The following CDAN1 variants were observed in gnomAD, a reference collection of about 807,000 sequenced individuals.
CDAN1 encodes the protein codanin-1.
CDAN1 carries 107 observed loss-of-function variants against 139.8 expected under a neutral mutation model. The observed-to-expected ratio is 0.77, with a 90% confidence interval of 0.65 to 0.90. The LOEUF (loss-of-function observed/expected upper bound fraction) is 0.90, where lower values mean the gene tolerates loss of function less well. Ranked by LOEUF, CDAN1 falls within the 40% of genes least tolerant of loss-of-function variation. CDAN1 has a pLI of 0.00. For synonymous variants in CDAN1, 776 were observed against 660.6 expected (o/e 1.17, Z -2.68); for missense variants, 1,667 against 1,575.7 (o/e 1.06, Z -0.98).
At chr15:42,725,422 G>A (rs2061511426) in intron 26 of CDAN1, 67 bp downstream of exon 26, 2 of 1,593,418 alleles carry the variant, frequency 1.3e-6, no homozygotes, top group Admixed American at 1.7e-5. Context: ...GCAGCTCATA[G>A]TTTGGGGCAA....
At chr15:42,735,800 A>C (rs1231825500) in intron 3 of CDAN1, 75 bp downstream of exon 3, 1 of 1,596,976 alleles carries the variant, frequency 6.3e-7, no homozygotes, top group African/African-American at 1.3e-5. Flanking sequence ...CAAGAGGGAA[A>C]TCAATTTCAG....
rs999348272 is a variant in CDAN1, at chr15:42,727,780, G to C, written c.2948-11C>G. On this transcript the variant is annotated splice_polypyrimidine_tract_variant and intron_variant, in intron 22 of 27. Coordinates refer to ENST00000356231, the MANE Select transcript of CDAN1 (RefSeq NM_138477.4). ...CCCTCCTGATCAGTGCTGTGGGGCAGAGGGAGAATGGGAAAGGAATCACGG... is the reference window on the plus strand; with the variant it reads ...CCCTCCTGATCAGTGCTGTGGGGCACAGGGAGAATGGGAAAGGAATCACGG... 1 of 1,605,654 alleles carries C rather than the reference G, an allele frequency of 6.2e-7. No individual in the cohort carries two copies. The highest frequency in any genetic ancestry group is 1.7e-4 in the Middle Eastern group (1 of 6,022).
intron 9 of CDAN1, 115 bp from the exon 10 acceptor site, chr15:42,732,523 C>T: frequency 1.1e-6 from 1 of 944,540 alleles, no homozygotes; most frequent in South Asian, 1.3e-5. Flanking sequence ...TTGAGCAGAC[C>T]TCAGCCAGAG....
At chr15:42,730,298 G>GC (rs2061592044) in intron 14 of CDAN1, 83 bp from the exon 15 acceptor site, 2 of 1,323,190 alleles carry the variant, frequency 1.5e-6, no homozygotes, top group East Asian at 4.6e-5. Context: ...AAACTGGCTT[G>GC]CAAAAGCAGA....
chr15:42,730,574 A>C, intron 14 of CDAN1, 24 bp downstream of exon 14: 1 of 1,613,706 alleles, frequency 6.2e-7, no homozygotes. Context: ...TCCTTTCATC[A>C]AGCCTCAGCC....
At chr15:42,732,294 G>A (rs1466690677) in intron 10 of CDAN1, 39 bp downstream of exon 10, 20 of 1,577,964 alleles carry the variant, frequency 1.3e-5, no homozygotes, top group Non-Finnish European at 1.7e-5. Context: ...TGTGATGCCT[G>A]CTGTTTAATG....
intron 21 of CDAN1, 59 bp downstream of exon 21, chr15:42,728,145 C>T: frequency 1.9e-6 from 3 of 1,598,384 alleles, no homozygotes; most frequent in Non-Finnish European, 2.6e-6. Flanking sequence ...CCTCAGACTA[C>T]TCCGTGCACC....
rs760031798 is a variant in CDAN1 at position 42,730,656 on chromosome 15, C to T, written c.2116G>A (p.Val706Ile). The T allele has an allele frequency of 4.3e-6, 7 of 1,614,060 alleles. No homozygotes were observed. In the East Asian group the frequency reaches 6.7e-5, roughly 15 times the overall value. The change falls in exon 14 of 28, where the codon GTT becomes ATT. Residue 706 changes from valine to isoleucine, a missense_variant. Around this residue, in one of 3 missense-constraint regions of CDAN1, gnomAD observed 936 missense variants for 844.1 expected, o/e 1.11. Coordinates refer to ENST00000356231, the MANE Select transcript of CDAN1 (RefSeq NM_138477.4). ...CGGTAATATTCCAGCAAGGGAACAA[C>T]ATGGTCAGCAAAGGAGAGAAACTCC... is the stretch of plus-strand genomic sequence containing the variant. ...LVEFLSFADH[V>I]VPLLEYYRDI...
intron 23 of CDAN1, 144 bp from the exon 24 acceptor site, chr15:42,726,561 C>T (rs2061532473): frequency 6.0e-6 from 4 of 663,644 alleles, no homozygotes; most frequent in Non-Finnish European, 1.1e-5. Flanking sequence ...TGCCCCTAGA[C>T]CTGGGACTTG....
intron 27 of CDAN1, 24 bp downstream of exon 27, chr15:42,725,120 C>T: frequency 1.3e-6 from 2 of 1,565,136 alleles, no homozygotes; most frequent in South Asian, 2.2e-5. Context: ...TCTCTCTCCA[C>T]CTAAAAGACA....
rs2061600945 is a variant in CDAN1 at position 42,730,783 on chromosome 15, A to G, written c.2008-19T>C. On this transcript the variant is annotated intron_variant, in intron 13 of 27. Transcript: ENST00000356231. ...GAGGGACCTGGGAGGGCCAGAGCTCAGTCAGGGGGCAGGTCCCTAGGAAGG... is the reference window on the plus strand; with the variant it reads ...GAGGGACCTGGGAGGGCCAGAGCTCGGTCAGGGGGCAGGTCCCTAGGAAGG... 6.2e-7 allele frequency: 1 copy of G among 1,612,502 alleles called. No individual in the cohort carries two copies. Among genetic ancestry groups the G allele is most frequent in the Admixed American group, 1.7e-5 (1 of 59,846 alleles).
chr15:42,727,902 C>G, intron 22 of CDAN1, 53 bp downstream of exon 22: 1 of 1,602,296 alleles, frequency 6.2e-7, no homozygotes, highest in South Asian at 1.1e-5. Context: ...TGACTCTCTG[C>G]CAGTCCACTT....
At position 42,730,703 on chromosome 15, in the gene CDAN1, A is replaced by T; in HGVS notation, c.2069T>A (p.Val690Glu). 1 of 1,613,610 alleles carries T rather than the reference A, an allele frequency of 6.2e-7. No homozygotes were observed. ...CTCCACCAGCCAGGGCACGGTGAGC[A>T]CCGCCCGGCGGGCCTGCAGCCCTCG... Reference protein sequence around the residue: ...LQRGLQARRAVLTVPWLVEFL... With the variant: ...LQRGLQARRAELTVPWLVEFL... Residue 690 changes from valine (V) to glutamate (E), a missense_variant, in exon 14 of 28, where the codon GTG becomes GAG. Val to Glu is a moderately radical substitution (Grantham distance 121). Coordinates refer to ENST00000356231, the MANE Select transcript of CDAN1 (RefSeq NM_138477.4).
In CDAN1 at chr15:42,729,799, G is replaced by C. The variant is rs545249978; in HGVS notation, c.2349C>G (p.Gly783=). The C allele has an allele frequency of 3.7e-6, 6 of 1,613,294 alleles. No individual in the cohort carries two copies. The South Asian group carries it at 6.6e-5, about 18-fold the overall frequency. ...CTGGCGGAACCCCAGCACTCACCAA[G>C]CCATGCTCTGGGGCTACTGTGTCCA... The part of the protein sequence containing the change: ...FEVDTVAPEH[G]LDNAPVVDQQ... The change falls in exon 16 of 28, where the codon GGC becomes GGG. Residue 783 remains glycine, a synonymous_variant. Transcript: ENST00000356231.
In CDAN1 at chr15:42,725,162, G is replaced by C; in HGVS notation, c.3540C>G (p.His1180Gln). 6.2e-7 allele frequency: 1 copy of C among 1,613,954 alleles called. No homozygotes were observed. The highest frequency in any genetic ancestry group is 8.5e-7 in the Non-Finnish European group (1 of 1,179,806). ...TCCTTACCCCTGGCCACTGGGCCTG[G>C]TGGAGGCTGCCCAGGCAGGCCTCTA... ...MEIEACLGSL[H>Q]QAQWPGDFAE... The change falls in exon 27 of 28, where the codon CAC becomes CAG. Residue 1180 changes from histidine (H) to glutamine (Q), a missense_variant. Transcript: ENST00000356231.
chr15:42,727,654 A>AGCATGGT lies in CDAN1; in HGVS notation c.3056_3062dup (p.Leu1023CysfsTer25), dbSNP rs1363145995. 1 of 1,585,478 alleles carries AGCATGGT rather than the reference A, an allele frequency of 6.3e-7. No individual in the cohort carries two copies. The highest frequency in any genetic ancestry group is 8.6e-7 in the Non-Finnish European group (1 of 1,162,906). Reference sequence around the variant, plus strand: ...CGGAGATGAGGTGGGAGGGGAGGGGAGCATGGTGCTCACAGGCGCGGGAGC... The same window carrying AGCATGGT: ...CGGAGATGAGGTGGGAGGGGAGGGGAGCATGGTGCATGGTGCTCACAGGCGCGGGAGC... On this transcript the variant is annotated frameshift_variant, in exon 23 of 28. Transcript: ENST00000356231. LOFTEE classifies it high-confidence loss of function.
At chr15:42,730,371 G>A (rs1217874004) in intron 14 of CDAN1, among the ~76,000 whole-genome samples, 156 bp from the exon 15 acceptor site, 1 of 152,222 alleles carries the variant, frequency 6.6e-6, no homozygotes, top group Non-Finnish European at 1.5e-5. Flanking sequence ...CCTGCATGGG[G>A]ACTGTCTCTC....
chr15:42,731,435 G>A, intron 11 of CDAN1, 104 bp from the exon 12 acceptor site: 1 of 1,529,044 alleles, frequency 6.5e-7, no homozygotes, highest in South Asian at 1.1e-5. Context: ...GGACAGACAG[G>A]GAGGCCCAGG....
chr15:42,726,201 A>G (rs778306555), intron 24 of CDAN1, 41 bp from the exon 25 acceptor site: 5 of 1,607,996 alleles, frequency 3.1e-6, no homozygotes. Context: ...CATAGGTATC[A>G]CCATGCTTAC....
Sources: gnomAD v4.1 joint callset for allele counts (sites outside exome capture counted in the v4.1 genomes callset) on GRCh38, gnomAD v4.1.1 for gene constraint, gnomAD v4.1.1 regional missense constraint, MANE v1.5 for transcripts, NCBI Gene and HGNC (gene_info 2026-07-23, HGNC 2026-07-21) for gene names.